Variants in HMG20B observed in about 807,000 individuals in gnomAD.
HMG20B encodes the protein SWI/SNF-related matrix-associated actin-dependent regulator of chromatin subfamily E member 1-related.
A neutral mutation model predicts 41.6 loss-of-function variants in HMG20B; 24 were observed. The ratio of observed to expected loss-of-function variants is 0.58; its 90% CI spans 0.42 to 0.81. The LOEUF is 0.81. HMG20B is among the 30% of genes least tolerant of loss of function. The pLI is 0.00. For missense variants in HMG20B, 461 were observed against 444.0 expected, an observed-to-expected ratio of 1.04 and a Z score of -0.34; for synonymous variants, 251 against 186.6, an observed-to-expected ratio of 1.34 and a Z score of -2.81.
chr19:3,577,866 C>G, intron 8 of HMG20B, 115 bp from the exon 9 acceptor site: 1 of 948,488 alleles, frequency 1.1e-6, no homozygotes, highest in Non-Finnish European at 1.5e-6. Flanking sequence ...CTGGCGGTGT[C>G]CGGACCTCTG....
At position 3,578,026 on chromosome 19, in the gene HMG20B, C is replaced by T. The variant is rs940020417; in HGVS notation, c.854C>T (p.Ala285Val). 6.2e-7 allele frequency: 1 copy of T among 1,609,100 alleles called. No homozygotes were observed. The highest frequency in any genetic ancestry group is 1.7e-4 in the Middle Eastern group (1 of 6,056). The change falls in exon 9 of 10, where the codon GCC becomes GTC. Residue 285 changes from alanine (A) to valine (V), a missense_variant. Around this residue, in one of 3 missense-constraint regions of HMG20B, gnomAD observed 308 missense variants for 283.4 expected, o/e 1.09. Transcript: ENST00000333651. ...CTGGGCACTCTGGACTTCTACATGG[C>T]CCGGCTTCACGGAGCCATCGAGCGC... ...PTLGTLDFYM[A>V]RLHGAIERDP...
Position 3,578,755 on chromosome 19 carries a change from C to G in HMG20B, c.*234C>G, listed in dbSNP as rs761742444. 43 of 757,354 alleles carry G rather than the reference C, an allele frequency of 5.7e-5. No homozygotes were observed. Among genetic ancestry groups the G allele is most frequent in the Non-Finnish European group, 9.5e-5 (40 of 422,080 alleles). 46.9% of individuals were successfully genotyped at this position (757,354 alleles called of 1,614,324 possible). ...GCGCGATACACCCAGAAGAACCTCA[C>G]AGCCGAGGGTGCCCCTCCTCGGAGG... On this transcript the variant is annotated 3_prime_UTR_variant, in exon 10 of 10. Coordinates refer to ENST00000333651, the MANE Select transcript of HMG20B (RefSeq NM_006339.3).
Position 3,574,715 on chromosome 19 carries a change from CTTT to C in HMG20B, c.351+146_351+148del, listed in dbSNP as rs142748294. The C allele has an allele frequency of 8.1e-3, 4,679 of 574,416 alleles. 4 individuals are homozygous for C. The highest frequency in any genetic ancestry group is 0.017 in the African/African-American group (791 of 47,830). 35.6% of individuals were successfully genotyped at this position (574,416 alleles called of 1,614,324 possible). A position where few individuals can be genotyped will look rare whatever the true frequency, so the allele number is the denominator to read the frequency against. ...TGGAGAAATGCCCACCCATAACCAA[CTTT>C]TTTTTTTTTTTTTTTTGTGAGATGG... On this transcript the variant is annotated intron_variant, in intron 4 of 9. Transcript: ENST00000333651.
In HMG20B at chr19:3,574,215, C is replaced by T. The variant is rs538993967; in HGVS notation, c.148-168C>T. 1.4e-5 allele frequency: 9 copies of T among 651,694 alleles called. No homozygotes were observed. The Admixed American group carries it at 1.8e-4, about 13-fold the overall frequency. The allele number at this position is 651,694 out of a possible 1,614,324, so 40.4% of individuals were successfully genotyped here. On this transcript the variant is annotated intron_variant, in intron 3 of 9. Transcript: ENST00000333651. ...CTGGCCAGGGATCCCTCTAACCCAC[C>T]GTGTCCCGACTGCTGACCGGGCCCT...
At chr19:3,576,752 G>T in intron 7 of HMG20B, 127 bp downstream of exon 7, 1 of 1,254,278 alleles carries the variant, frequency 8.0e-7, no homozygotes. Context: ...CCAGGCGCAC[G>T]CTGTCGCTCC....
chr19:3,577,946 G>A (rs775737432), intron 8 of HMG20B, 35 bp from the exon 9 acceptor site: 5 of 1,528,406 alleles, frequency 3.3e-6, no homozygotes, highest in South Asian at 1.2e-5. Flanking sequence ...GCGACTCCCC[G>A]GCACCCTCGC....
chr19:3,577,981 G>C lies in HMG20B; in HGVS notation c.809G>C (p.Gly270Ala). Residue 270 changes from glycine (G) to alanine (A), a missense_variant and splice_region_variant, in exon 9 of 10, where the codon GGC becomes GCC. Around this residue, in one of 3 missense-constraint regions of HMG20B, gnomAD observed 308 missense variants for 283.4 expected, o/e 1.09. Coordinates refer to ENST00000333651, the MANE Select transcript of HMG20B (RefSeq NM_006339.3). ...CCTGACCTTCCCGCCTGTCCCCCAG[G>C]CACGGGCGAAACGCCCACGCTGGGC... is the stretch of plus-strand genomic sequence containing the variant. ...TASFASLPVP[G>A]TGETPTLGTL... is the part of the protein sequence containing the mutation. 1.9e-6 allele frequency: 3 copies of C among 1,593,768 alleles called. No homozygotes were observed. Among genetic ancestry groups the C allele is most frequent in the Non-Finnish European group, 2.6e-6 (3 of 1,173,306 alleles).
At chr19:3,576,049 C>A in intron 5 of HMG20B, 1 of 597,758 alleles carries the variant, frequency 1.7e-6, no homozygotes, top group Non-Finnish European at 3.0e-6. Flanking sequence ...CAGGGCCTCC[C>A]TCCGTGGGGC....
Position 3,574,481 on chromosome 19 carries a change from C to T in HMG20B, c.246C>T (p.Asn82=), listed in dbSNP as rs370788627. The part of the protein sequence containing the change: ...APVTGYVRFL[N]ERREQIRTRH... The stretch of plus-strand genomic sequence containing the variant: ...TCACGGGCTACGTGCGCTTCCTGAA[C>T]GAGCGGCGCGAGCAGATCCGCACGC... The change falls in exon 4 of 10, where the codon AAC becomes AAT. Residue 82 remains asparagine, a synonymous_variant. Transcript: ENST00000333651. 15 of 1,607,724 alleles carry T rather than the reference C, an allele frequency of 9.3e-6. No homozygotes were observed. The African/African-American group carries it at 1.9e-4, about 20-fold the overall frequency.
intron 9 of HMG20B, 153 bp downstream of exon 9, chr19:3,578,266 C>T: frequency 1.6e-6 from 2 of 1,212,598 alleles, no homozygotes; most frequent in Non-Finnish European, 2.3e-6. Context: ...GCCCCTGATG[C>T]ACCAGTGCTA....
chr19:3,576,014 C>T, intron 5 of HMG20B: 2 of 585,386 alleles, frequency 3.4e-6, no homozygotes, highest in Non-Finnish European at 6.1e-6. Context: ...GGGTCCTGCT[C>T]TGTGGGGTGC....
At position 3,578,911 on chromosome 19, in the gene HMG20B, C is replaced by T. The variant is rs1846302466; in HGVS notation, c.*390C>T. On this transcript the variant is annotated 3_prime_UTR_variant, in exon 10 of 10. Coordinates refer to ENST00000333651, the MANE Select transcript of HMG20B (RefSeq NM_006339.3). ...GCTGTGCCATAGGCCACACAGGAAG[C>T]TGCCTTGTGGGGACTTACCTGGGGT... 2.0e-6 allele frequency: 1 copy of T among 492,986 alleles called. No homozygotes were observed. Among genetic ancestry groups the T allele is most frequent in the Non-Finnish European group, 4.0e-6 (1 of 253,106 alleles). The allele number at this position is 492,986 out of a possible 1,614,324, so 30.5% of individuals were successfully genotyped here. A position where few individuals can be genotyped will look rare whatever the true frequency, so the allele number is the denominator to read the frequency against.
At position 3,573,705 on chromosome 19, in the gene HMG20B, A is replaced by G; in HGVS notation, c.52A>G (p.Lys18Glu). ...PGAAAAPAGG[K>E]APGQHGGFVV... ...CCTTGGCTCCAGGCCGGCGGGCGGCAAGGCTCCGGGCCAGCATGGGGGCTT... is the reference window on the plus strand; with the variant it reads ...CCTTGGCTCCAGGCCGGCGGGCGGCGAGGCTCCGGGCCAGCATGGGGGCTT... Residue 18 changes from lysine (K) to glutamate (E), a missense_variant, in exon 3 of 10, where the codon AAG becomes GAG. Lys to Glu is a moderately conservative substitution (Grantham distance 56). Transcript: ENST00000333651. 1 of 1,503,178 alleles carries G rather than the reference A, an allele frequency of 6.7e-7. No individual in the cohort carries two copies. The highest frequency in any genetic ancestry group is 2.4e-5 in the Admixed American group (1 of 42,070). 93.1% of individuals were successfully genotyped at this position (1,503,178 alleles called of 1,614,324 possible). A position where few individuals can be genotyped will look rare whatever the true frequency, so the allele number is the denominator to read the frequency against.
rs375774950 is a variant in HMG20B, at chr19:3,578,292, A to C, written c.941+179A>C. ...ACCAGTGCTAGGATGGCCATGGAGA[A>C]CCCCGGGCCGGCGGGACCCACTCGG... is the stretch of plus-strand genomic sequence containing the variant. On this transcript the variant is annotated intron_variant, in intron 9 of 9. Transcript: ENST00000333651. 2.8e-4 allele frequency: 317 copies of C among 1,134,304 alleles called. 3 individuals are homozygous for C. The African/African-American group carries it at 4.6e-3, about 16-fold the overall frequency. 70.3% of individuals were successfully genotyped at this position (1,134,304 alleles called of 1,614,324 possible).
Position 3,577,977 on chromosome 19 carries a change from C to T in HMG20B, c.809-4C>T, listed in dbSNP as rs970967968. On this transcript the variant is annotated splice_polypyrimidine_tract_variant and splice_region_variant and intron_variant, in intron 8 of 9. Transcript: ENST00000333651. Reference sequence around the variant, plus strand: ...CTCGCCTGACCTTCCCGCCTGTCCCCCAGGCACGGGCGAAACGCCCACGCT... The same window carrying T: ...CTCGCCTGACCTTCCCGCCTGTCCCTCAGGCACGGGCGAAACGCCCACGCT... 19 of 1,592,180 alleles carry T rather than the reference C, an allele frequency of 1.2e-5. No individual in the cohort carries two copies. Among genetic ancestry groups the T allele is most frequent in the Middle Eastern group, 1.7e-4 (1 of 5,988 alleles).
chr19:3,578,126 C>G lies in HMG20B; in HGVS notation c.941+13C>G, dbSNP rs955360645. On this transcript the variant is annotated intron_variant, in intron 9 of 9. Coordinates refer to ENST00000333651, the MANE Select transcript of HMG20B (RefSeq NM_006339.3). ...CCCAGGTCGCCAGGTGTGTGCCGGGCGAGGCGGGGCGGGGCCGGGGTTCAA... is the reference window on the plus strand; with the variant it reads ...CCCAGGTCGCCAGGTGTGTGCCGGGGGAGGCGGGGCGGGGCCGGGGTTCAA... The G allele has an allele frequency of 1.9e-6, 3 of 1,607,786 alleles. No homozygotes were observed. The highest frequency in any genetic ancestry group is 2.5e-6 in the Non-Finnish European group (3 of 1,178,112).
At chr19:3,577,843 C>T (rs1048126683) in intron 8 of HMG20B, 138 bp from the exon 9 acceptor site, 66 of 754,482 alleles carry the variant, frequency 8.7e-5, no homozygotes, top group Non-Finnish European at 1.2e-4. Context: ...GCCCACCCTG[C>T]GCCGCTCCTG....
At chr19:3,573,126 G>C (rs2032076995) in intron 1 of HMG20B, 132 bp downstream of exon 1, 8 of 540,046 alleles carry the variant, frequency 1.5e-5, no homozygotes, top group Non-Finnish European at 2.5e-5. Flanking sequence ...GCCCAACAAA[G>C]GATTCTTGGG....
chr19:3,577,204 G>A (rs10427050), intron 8 of HMG20B, 97 bp downstream of exon 8: 29,081 of 859,178 alleles, frequency 0.034, 846 homozygotes, highest in African/African-American at 0.13. Flanking sequence ...GTCGCCCGGC[G>A]CCGCCCATCG....
Sources: gnomAD v4.1 joint callset for allele counts on GRCh38, gnomAD v4.1.1 for gene constraint, gnomAD v4.1.1 regional missense constraint, MANE v1.5 for transcripts, NCBI Gene and HGNC (gene_info 2026-07-23, HGNC 2026-07-21) for gene names.